PPIG: variants seen among roughly 807,000 people sequenced by gnomAD.
The protein encoded by PPIG is peptidyl-prolyl cis-trans isomerase G.
PPIG carries 26 observed loss-of-function variants against 87.9 expected under a neutral mutation model. The observed-to-expected ratio is 0.30, with a 90% CI of 0.22 to 0.41. The LOEUF (loss-of-function observed/expected upper bound fraction) is 0.41, where lower values mean the gene tolerates loss of function less well. Ranked by LOEUF, PPIG falls within the 10% of genes least tolerant of loss-of-function variation. The pLI is 1.00. For missense variants in PPIG, 722 were observed against 879.4 expected (o/e 0.82, Z 2.26); for synonymous variants, 308 against 276.5 (o/e 1.11, Z -1.13).
At chr2:169,622,019 G>C (rs6710305) in intron 9 of PPIG, among the ~76,000 whole-genome samples, 90,153 of 151,452 alleles carry the variant, frequency 0.6, 27,446 homozygotes, top group African/African-American at 0.72. Context: ...CCCAGGAGTT[G>C]AAGGCTATAG....
chr2:169,616,051 A>G (rs1473752674), intron 9 of PPIG, among the ~76,000 whole-genome samples: 1 of 152,058 alleles, frequency 6.6e-6, no homozygotes, highest in African/African-American at 2.4e-5. Flanking sequence ...CCGTGTGTAC[A>G]TGTGTTCTCA....
intron 9 of PPIG, 28 bp from the exon 10 acceptor site, chr2:169,630,746 G>T: frequency 6.4e-7 from 1 of 1,558,460 alleles, no homozygotes; most frequent in Non-Finnish European, 8.7e-7. Context: ...AAAAATTGTT[G>T]ATCAAAACCT....
At chr2:169,606,210 G>C in intron 5 of PPIG, 64 bp downstream of exon 5, 1 of 1,206,820 alleles carries the variant, frequency 8.3e-7, no homozygotes, top group Admixed American at 1.8e-5. Flanking sequence ...AGTTAGACAA[G>C]TCCCTAGAAG....
chr2:169,611,252 A>G (rs776612767), intron 7 of PPIG, among the ~76,000 whole-genome samples: 23 of 152,148 alleles, frequency 1.5e-4, no homozygotes, highest in Admixed American at 4.6e-4. Flanking sequence ...AAAAGAAAAA[A>G]AGAAAGAAAA....
chr2:169,614,846 T>A (rs1685570937), intron 9 of PPIG, 122 bp downstream of exon 9: 2 of 1,149,984 alleles, frequency 1.7e-6, no homozygotes, highest in Non-Finnish European at 2.4e-6. Context: ...TGTTTTAAAA[T>A]GTATTTCTGT....
chr2:169,637,480 A>G lies in PPIG; in HGVS notation c.2222A>G (p.Asp741Gly). 1 of 1,603,580 alleles carries G rather than the reference A, an allele frequency of 6.2e-7. No homozygotes were observed. The highest frequency in any genetic ancestry group is 8.5e-7 in the Non-Finnish European group (1 of 1,177,774). The change falls in exon 14 of 14, where the codon GAT (aspartate) becomes GGT (glycine). Residue 741 changes from aspartate (D) to glycine (G), a missense_variant. Physicochemically the swap from Asp to Gly is moderately conservative, Grantham distance 94. This residue lies in a region of PPIG where 476 missense variants were observed against 483.1 expected (regional missense o/e 0.99). Coordinates refer to ENST00000260970, the MANE Select transcript of PPIG (RefSeq NM_004792.3). ...DHVHEKNKKFDHESSPGTDED... is the reference protein window; with the variant it reads ...DHVHEKNKKFGHESSPGTDED... ...GTACATGAAAAAAATAAAAAATTTG[A>G]TCATGAATCAAGCCCTGGAACAGAT... is the stretch of plus-strand genomic sequence containing the variant.
intron 6 of PPIG, 122 bp downstream of exon 6, chr2:169,607,270 A>G: frequency 1.8e-6 from 1 of 566,538 alleles, no homozygotes; most frequent in Non-Finnish European, 2.9e-6. Flanking sequence ...CCTTCAACTA[A>G]TCTGAAGGTT....
chr2:169,619,864 G>C (rs1664256491), intron 9 of PPIG, among the ~76,000 whole-genome samples: 1 of 151,802 alleles, frequency 6.6e-6, no homozygotes, highest in South Asian at 2.1e-4. Context: ...TATACCTGTT[G>C]GCCATTTGTA....
intron 1 of PPIG, among the ~76,000 whole-genome samples, chr2:169,602,840 A>G (rs1685222624): frequency 6.6e-6 from 1 of 152,218 alleles, no homozygotes; most frequent in Admixed American, 6.5e-5. Flanking sequence ...GTACAGAATT[A>G]AGAGTAAAAT....
chr2:169,630,384 T>C (rs918750745), intron 9 of PPIG, among the ~76,000 whole-genome samples: 1 of 152,270 alleles, frequency 6.6e-6, no homozygotes, highest in African/African-American at 2.4e-5. Context: ...TAAAGCAGTT[T>C]TTCTGTTATT....
chr2:169,633,433 C>G (rs939629103), intron 12 of PPIG, 186 bp downstream of exon 12: 2 of 625,576 alleles, frequency 3.2e-6, no homozygotes, highest in Non-Finnish European at 5.6e-6. Flanking sequence ...ACAGAAAATC[C>G]ATGAGATATG....
rs1484671353 is a variant in PPIG at position 169,637,037 on chromosome 2, C to T, written c.1779C>T (p.Tyr593=). The change falls in exon 14 of 14, where the codon TAC becomes TAT. Residue 593 remains tyrosine (Y), a synonymous_variant. Transcript: ENST00000260970. The part of the protein sequence containing the change: ...DRSRSKEYHR[Y]REQEYRRRGR... ...GCAGAAGCAAGGAGTACCATAGATA[C>T]AGAGAACAGGAATACAGGAGAAGAG... The T allele has an allele frequency of 1.2e-6, 2 of 1,613,676 alleles. No homozygotes were observed. Among genetic ancestry groups the T allele is most frequent in the Admixed American group, 1.7e-5 (1 of 59,932 alleles).
chr2:169,634,095 T>TTTTC (rs1390431293), intron 12 of PPIG, among the ~76,000 whole-genome samples: 1 of 151,924 alleles, frequency 6.6e-6, no homozygotes, highest in African/African-American at 2.4e-5. Flanking sequence ...CAGGGTCTCA[T>TTTTC]TTTCACCCAG....
intron 1 of PPIG, among the ~76,000 whole-genome samples, chr2:169,592,834 TTAG>T (rs1431300223): frequency 6.6e-6 from 1 of 152,228 alleles, no homozygotes; most frequent in South Asian, 2.1e-4. Context: ...TGATTAGTAA[TTAG>T]TAGCATTTCA....
intron 1 of PPIG, among the ~76,000 whole-genome samples, chr2:169,594,862 A>T (rs951428600): frequency 3.3e-5 from 5 of 152,004 alleles, no homozygotes; most frequent in Admixed American, 2.0e-4. Context: ...TCCTGACCTC[A>T]AGTGATGCCT....
intron 9 of PPIG, among the ~76,000 whole-genome samples, chr2:169,620,605 CTT>C (rs1404779711): frequency 2.0e-5 from 3 of 152,052 alleles, no homozygotes; most frequent in African/African-American, 7.2e-5. Context: ...GATTAGGAAA[CTT>C]TAAGGGAATA....
chr2:169,607,282 A>G (rs1685359504), intron 6 of PPIG, 134 bp downstream of exon 6: 1 of 526,358 alleles, frequency 1.9e-6, no homozygotes, highest in Admixed American at 3.4e-5. Flanking sequence ...CTGAAGGTTA[A>G]TTTTCTGGTA....
chr2:169,634,397 G>T (rs890338710), intron 12 of PPIG, among the ~76,000 whole-genome samples: 1 of 151,982 alleles, frequency 6.6e-6, no homozygotes, highest in African/African-American at 2.4e-5. Flanking sequence ...GTACCTCAGG[G>T]TTCCCATTCA....
chr2:169,628,365 G>A (rs1685949911), intron 9 of PPIG, among the ~76,000 whole-genome samples: 1 of 152,142 alleles, frequency 6.6e-6, no homozygotes, highest in Non-Finnish European at 1.5e-5. Flanking sequence ...TTTATACCTT[G>A]TTCCCATTCT....
Sources: gnomAD v4.1 joint callset for allele counts (sites outside exome capture counted in the v4.1 genomes callset) on GRCh38, gnomAD v4.1.1 for gene constraint, gnomAD v4.1.1 regional missense constraint, MANE v1.5 for transcripts, NCBI Gene and HGNC (gene_info 2026-07-23, HGNC 2026-07-21) for gene names.